The following RPAP2 variants were observed in gnomAD, a reference collection of about 807,000 sequenced individuals.
The protein encoded by RPAP2 is RNA polymerase II associated protein 2.
Under a neutral mutation model 73.1 loss-of-function variants are expected in RPAP2, and 52 were observed. That is an observed-to-expected ratio of 0.71 (90% CI 0.57 to 0.90). The LOEUF (loss-of-function observed/expected upper bound fraction) is 0.90, where lower values mean the gene tolerates loss of function less well. RPAP2 is among the 40% of genes least tolerant of loss of function. RPAP2 has a pLI of 0.00. For synonymous variants in RPAP2, 225 were observed against 242.1 expected (o/e 0.93, Z 0.65); for missense variants, 598 against 701.8 (o/e 0.85, Z 1.67).
intron 5 of RPAP2, among the ~76,000 whole-genome samples, chr1:92,305,153 C>A (rs1181664572): frequency 1.3e-5 from 2 of 150,966 alleles, no homozygotes. Context: ...AGACAATAGA[C>A]CGGGCGCCCT....
At chr1:92,308,426 G>A (rs1397857814) in intron 6 of RPAP2, among the ~76,000 whole-genome samples, 2 of 152,136 alleles carry the variant, frequency 1.3e-5, no homozygotes, top group African/African-American at 2.4e-5. Context: ...TGTCACTAGA[G>A]CTGCCCAGTA....
At chr1:92,307,150 T>C (rs373897711) in intron 5 of RPAP2, 38 bp from the exon 6 acceptor site, 16 of 1,415,558 alleles carry the variant, frequency 1.1e-5, no homozygotes, top group Non-Finnish European at 1.5e-5. Flanking sequence ...TAATGTTTCA[T>C]GATAAGAAAA....
In RPAP2 at chr1:92,394,089, A is replaced by G. The variant is rs189968832; in HGVS notation, c.*7078A>G. 10 of 152,392 alleles carry G rather than the reference A, an allele frequency of 6.6e-5. No individual in the cohort carries two copies. The highest frequency in any genetic ancestry group is 1.3e-4 in the Admixed American group (2 of 15,302). 9.4% of individuals were successfully genotyped at this position (152,392 alleles called of 1,614,324 possible). On this transcript the variant is annotated 3_prime_UTR_variant, in exon 13 of 13. Coordinates refer to ENST00000610020, the MANE Select transcript of RPAP2 (RefSeq NM_024813.3). ...TTGAAACCAACCCAAATGCCCGTCA[A>G]TGATAGACTGGATTAAGAAAATGTG... is the stretch of plus-strand genomic sequence containing the variant.
intron 12 of RPAP2, among the ~76,000 whole-genome samples, chr1:92,385,376 T>A (rs1381488925): frequency 6.6e-6 from 1 of 152,148 alleles, no homozygotes; most frequent in East Asian, 1.9e-4. Context: ...ACTTAACAGT[T>A]CCCCTATGAT....
chr1:92,372,503 TA>T (rs756692267), intron 11 of RPAP2, among the ~76,000 whole-genome samples: 1 of 152,240 alleles, frequency 6.6e-6, no homozygotes, highest in Non-Finnish European at 1.5e-5. Context: ...CTGATGAATT[TA>T]AAGCTCATCT....
intron 5 of RPAP2, 58 bp downstream of exon 5, chr1:92,304,407 C>T: frequency 1.1e-6 from 1 of 890,194 alleles, no homozygotes. Flanking sequence ...AACCACTATC[C>T]TAACAAGGCA....
chr1:92,362,593 A>C (rs1654775626), intron 11 of RPAP2, among the ~76,000 whole-genome samples: 1 of 152,204 alleles, frequency 6.6e-6, no homozygotes, highest in Admixed American at 6.5e-5. Context: ...TTAACATTGA[A>C]AATTCCGAGT....
At position 92,401,049 on chromosome 1, in the gene RPAP2, T is replaced by C. The variant is rs1161064220; in HGVS notation, c.*14038T>C. 1 of 152,094 alleles carries C rather than the reference T, an allele frequency of 6.6e-6. No homozygotes were observed. Among genetic ancestry groups the C allele is most frequent in the Non-Finnish European group, 1.5e-5 (1 of 68,040 alleles). The allele number at this position is 152,094 out of a possible 1,614,324, so 9.4% of individuals were successfully genotyped here. ...GCAAAGCCTCTATAAAGCCATCAGA[T>C]CTCATGAGAACTCACTATCATGAGA... On this transcript the variant is annotated 3_prime_UTR_variant, in exon 13 of 13. Coordinates refer to ENST00000610020, the MANE Select transcript of RPAP2 (RefSeq NM_024813.3).
At position 92,301,509 on chromosome 1, in the gene RPAP2, G is replaced by A; in HGVS notation, c.153G>A (p.Lys51=). The A allele has an allele frequency of 6.3e-7, 1 of 1,594,794 alleles. No individual in the cohort carries two copies. The highest frequency in any genetic ancestry group is 8.5e-7 in the Non-Finnish European group (1 of 1,173,572). ...KAELEAAVRK[K]IEFERKALHI... ...AACTAGAAGCAGCTGTGAGAAAGAA[G>A]ATTGAATTTGAGAGAAAAGCTCTAC... Residue 51 remains lysine (K), a synonymous_variant, in exon 3 of 13, where the codon AAG becomes AAA. Coordinates refer to ENST00000610020, the MANE Select transcript of RPAP2 (RefSeq NM_024813.3).
rs1656068750 is a variant in RPAP2, at chr1:92,392,180, C to G, written c.*5169C>G. On this transcript the variant is annotated 3_prime_UTR_variant, in exon 13 of 13. Transcript: ENST00000610020. ...TCCAGCAGCATATCAAAAAGCTTAT[C>G]CACCACGATCAAGTCAGCTTCTTCC... 1 of 152,182 alleles carries G rather than the reference C, an allele frequency of 6.6e-6. No homozygotes were observed. The highest frequency in any genetic ancestry group is 6.5e-5 in the Admixed American group (1 of 15,278). 9.4% of individuals were successfully genotyped at this position (152,182 alleles called of 1,614,324 possible).
At chr1:92,315,746 G>C (rs1201170379) in intron 6 of RPAP2, among the ~76,000 whole-genome samples, 2 of 152,168 alleles carry the variant, frequency 1.3e-5, no homozygotes, top group East Asian at 3.8e-4. Context: ...GAGTCAGAAA[G>C]GGCCTTGGAG....
chr1:92,338,810 A>T (rs1230854478), intron 10 of RPAP2, among the ~76,000 whole-genome samples: 1 of 151,486 alleles, frequency 6.6e-6, no homozygotes, highest in South Asian at 2.1e-4. Flanking sequence ...CAGTCTCACT[A>T]TGTTGCCCAG....
At chr1:92,371,103 G>A (rs1400956247) in intron 11 of RPAP2, among the ~76,000 whole-genome samples, 5 of 151,798 alleles carry the variant, frequency 3.3e-5, no homozygotes, top group Admixed American at 3.3e-4. Context: ...TCAGGAGTTC[G>A]AGATCAGCCT....
intron 10 of RPAP2, among the ~76,000 whole-genome samples, chr1:92,341,586 G>A (rs996762052): frequency 1.3e-5 from 2 of 152,190 alleles, no homozygotes; most frequent in African/African-American, 4.8e-5. Flanking sequence ...TTTGGTGAAT[G>A]TATAAGTGAA....
At chr1:92,329,932 A>C (rs1652861718) in intron 8 of RPAP2, among the ~76,000 whole-genome samples, 1 of 152,200 alleles carries the variant, frequency 6.6e-6, no homozygotes, top group Non-Finnish European at 1.5e-5. Context: ...CTGTTTTCCA[A>C]AGCGTGAAAA....
intron 6 of RPAP2, among the ~76,000 whole-genome samples, chr1:92,314,400 ATACATTTT>A (rs1205820124): frequency 6.7e-6 from 1 of 148,282 alleles, no homozygotes; most frequent in Non-Finnish European, 1.5e-5. Flanking sequence ...TCTAAGTTGC[ATACATTTT>A]TACATTTTTA....
intron 2 of RPAP2, 37 bp downstream of exon 2, chr1:92,300,276 T>A: frequency 6.6e-7 from 1 of 1,514,246 alleles, no homozygotes; most frequent in Non-Finnish European, 9.1e-7. Context: ...TTGGCATATC[T>A]ACTTATCTTG....
At chr1:92,358,771 G>C (rs1169825116) in intron 11 of RPAP2, among the ~76,000 whole-genome samples, 1 of 151,936 alleles carries the variant, frequency 6.6e-6, no homozygotes. Context: ...AAAAATTGTA[G>C]AGATAGGGGT....
In RPAP2 at chr1:92,320,579, T is replaced by A. The variant is rs1425436043; in HGVS notation, c.489-20T>A. On this transcript the variant is annotated intron_variant, in intron 6 of 12. Coordinates refer to ENST00000610020, the MANE Select transcript of RPAP2 (RefSeq NM_024813.3). ...GCCACCGCACCCGGCCTAATTTTTA[T>A]TTCTGTGTTCTTATTACAGGCATCC... 1 of 1,607,938 alleles carries A rather than the reference T, an allele frequency of 6.2e-7. No individual in the cohort carries two copies. The highest frequency in any genetic ancestry group is 2.2e-5 in the East Asian group (1 of 44,800).
Sources: allele counts gnomAD v4.1 joint callset (sites outside exome capture counted in the v4.1 genomes callset), GRCh38; gene constraint gnomAD v4.1.1; transcripts MANE v1.5; gene names NCBI Gene and HGNC (gene_info 2026-07-23, HGNC 2026-07-21).